The following ROBO1 variants were observed in gnomAD, a reference collection of about 807,000 sequenced individuals.
ROBO1 encodes the protein roundabout guidance receptor 1.
ROBO1 carries 149 observed loss-of-function variants against 195.9 expected under a neutral mutation model. The ratio of observed to expected loss-of-function variants is 0.76; its 90% confidence interval spans 0.67 to 0.87. ROBO1 has a LOEUF of 0.87. ROBO1 is among the 40% of genes least tolerant of loss of function. ROBO1 has a pLI of 0.00. For missense variants in ROBO1, 1,933 were observed against 2,068.3 expected (o/e 0.93, Z 1.27); for synonymous variants, 816 against 733.2 (o/e 1.11, Z -1.82).
chr3:79,661,779 C>T (rs1434352880), intron 1 of ROBO1, among the ~76,000 whole-genome samples: 1 of 152,012 alleles, frequency 6.6e-6, no homozygotes, highest in Non-Finnish European at 1.5e-5. Flanking sequence ...TTCTATATCA[C>T]ATTTTACATA....
In ROBO1 at chr3:79,099,129, A is replaced by T. The variant is rs1190370089; in HGVS notation, c.172+26327T>A. Among the ~76,000 whole-genome samples the T allele has an allele frequency of 7.2e-5, 11 of 151,828 alleles. No homozygotes were observed. The Admixed American group carries it at 7.2e-4, about 10-fold the overall frequency. On this transcript the variant is annotated intron_variant, in intron 3 of 30. Transcript: ENST00000464233. Reference sequence around the variant, plus strand: ...CTTTTTCATAACTGAACTTTAAAAAATATTACTTGACATTTTTATTAAAAA... The same window carrying T: ...CTTTTTCATAACTGAACTTTAAAAATTATTACTTGACATTTTTATTAAAAA...
intron 3 of ROBO1, among the ~76,000 whole-genome samples, chr3:78,988,091 T>C (rs1405365109): frequency 6.6e-6 from 1 of 152,152 alleles, no homozygotes; most frequent in African/African-American, 2.4e-5. Context: ...GCATCATGGA[T>C]AGTGAAATAA....
intron 1 of ROBO1, among the ~76,000 whole-genome samples, chr3:79,642,156 C>G (rs1054680382): frequency 6.6e-6 from 1 of 152,018 alleles, no homozygotes; most frequent in Non-Finnish European, 1.5e-5. Context: ...TAGAGGCTTA[C>G]AACAGCAGAA....
At chr3:79,213,829 T>C (rs1165889930) in intron 2 of ROBO1, among the ~76,000 whole-genome samples, 4 of 145,164 alleles carry the variant, frequency 2.8e-5, no homozygotes. Flanking sequence ...TTTTTTTTTT[T>C]TTTTTTTTTT....
chr3:78,868,730 A>G (rs2035337241), intron 4 of ROBO1, among the ~76,000 whole-genome samples: 1 of 152,168 alleles, frequency 6.6e-6, no homozygotes, highest in South Asian at 2.1e-4. Flanking sequence ...CACAGCATAA[A>G]AGGGGAAAAA....
At chr3:78,801,427 AT>A (rs2084367571) in intron 4 of ROBO1, among the ~76,000 whole-genome samples, 1 of 152,172 alleles carries the variant, frequency 6.6e-6, no homozygotes, top group African/African-American at 2.4e-5. Context: ...TTATATAAAA[AT>A]ATTAATATCA....
intron 1 of ROBO1, among the ~76,000 whole-genome samples, chr3:79,638,654 A>G (rs1183225749): frequency 6.6e-6 from 1 of 152,220 alleles, no homozygotes; most frequent in East Asian, 1.9e-4. Flanking sequence ...TTATTTCCCA[A>G]GGAAGAGTAA....
At chr3:79,158,071 G>T (rs942338039) in intron 2 of ROBO1, among the ~76,000 whole-genome samples, 16 of 151,676 alleles carry the variant, frequency 1.1e-4, no homozygotes, top group African/African-American at 3.9e-4. Flanking sequence ...TAAAAGAAAA[G>T]AGTACATCTC....
intron 1 of ROBO1, among the ~76,000 whole-genome samples, chr3:79,622,523 C>T (rs1044759169): frequency 4.6e-5 from 7 of 152,192 alleles, no homozygotes; most frequent in Non-Finnish European, 8.8e-5. Flanking sequence ...ATGGCTTTTT[C>T]CCAAGACTTG....
intron 4 of ROBO1, among the ~76,000 whole-genome samples, chr3:78,809,284 A>G (rs2084651478): frequency 6.6e-6 from 1 of 152,236 alleles, no homozygotes; most frequent in Non-Finnish European, 1.5e-5. Flanking sequence ...AATCAAAACC[A>G]CTATGAGATG....
chr3:79,040,514 A>G (rs1288813577), intron 3 of ROBO1, among the ~76,000 whole-genome samples: 1 of 152,174 alleles, frequency 6.6e-6, no homozygotes, highest in Admixed American at 6.5e-5. Flanking sequence ...AGGTCAAGTC[A>G]TATCTTTATC....
chr3:79,180,863 A>C (rs1020861443), intron 2 of ROBO1, among the ~76,000 whole-genome samples: 1 of 152,044 alleles, frequency 6.6e-6, no homozygotes, highest in Non-Finnish European at 1.5e-5. Context: ...AGGGGGTGGG[A>C]GTGGATGAGG....
chr3:78,956,517 C>G (rs1035461811), intron 3 of ROBO1, among the ~76,000 whole-genome samples: 1 of 152,030 alleles, frequency 6.6e-6, no homozygotes, highest in African/African-American at 2.4e-5. Context: ...AATAATTAAC[C>G]ATAACTGAAA....
At chr3:79,628,130 C>T (rs192771769) in intron 1 of ROBO1, among the ~76,000 whole-genome samples, 46 of 152,238 alleles carry the variant, frequency 3.0e-4, no homozygotes, top group Admixed American at 5.9e-4. Context: ...AATCCCATTA[C>T]TGAGTATGTA....
chr3:78,670,521 A>G (rs1480789023), intron 10 of ROBO1: 1 of 532,628 alleles, frequency 1.9e-6, no homozygotes, highest in African/African-American at 1.9e-5. Flanking sequence ...CCAGCCACTC[A>G]CTGAGCTGGC....
intron 3 of ROBO1, among the ~76,000 whole-genome samples, chr3:79,105,632 A>C (rs892708340): frequency 6.6e-6 from 1 of 151,726 alleles, no homozygotes; most frequent in African/African-American, 2.4e-5. Context: ...ATGCTATCTA[A>C]ATTTATATTT....
intron 2 of ROBO1, among the ~76,000 whole-genome samples, chr3:79,402,934 TG>T (rs1368094563): frequency 1.3e-4 from 19 of 151,884 alleles, no homozygotes; most frequent in African/African-American, 3.6e-4. Flanking sequence ...TGGAGATTTC[TG>T]GTGGAACTCA....
At chr3:78,641,595 TTTC>T (rs780229561) in intron 21 of ROBO1, among the ~76,000 whole-genome samples, 1 of 152,208 alleles carries the variant, frequency 6.6e-6, no homozygotes, top group South Asian at 2.1e-4. Context: ...AATCTTTTGC[TTTC>T]TTATTTTATT....
chr3:78,935,555 G>A (rs1455886245), intron 4 of ROBO1, among the ~76,000 whole-genome samples: 1 of 151,996 alleles, frequency 6.6e-6, no homozygotes, highest in African/African-American at 2.4e-5. Flanking sequence ...ATTGGTTACA[G>A]GAGAATAGAC....
Sources: allele counts gnomAD v4.1 joint callset (sites outside exome capture counted in the v4.1 genomes callset), GRCh38; gene constraint gnomAD v4.1.1; transcripts MANE v1.5; gene names NCBI Gene and HGNC (gene_info 2026-07-23, HGNC 2026-07-21).